The following NFATC2 variants were observed in gnomAD, a reference collection of about 807,000 sequenced individuals.
NFATC2 encodes the protein nuclear factor of activated T cells 2, also known as nuclear factor of activated T-cells, cytoplasmic 2.
Under a neutral mutation model 87.3 loss-of-function variants are expected in NFATC2, and 22 were observed. That is an observed-to-expected ratio of 0.25 (90% CI 0.18 to 0.36). The LOEUF is 0.36. Among genes scored for constraint, NFATC2 ranks in the 10% least tolerant of loss-of-function variants. The probability of loss-of-function intolerance (pLI) is 1.00; values close to 1 mark genes in which losing one functional copy is unlikely to be tolerated. For synonymous variants in NFATC2, 565 were observed against 542.2 expected, an observed-to-expected ratio of 1.04 and a Z score of -0.58; for missense variants, 1,149 against 1,259.1, an observed-to-expected ratio of 0.91 and a Z score of 1.32.
At chr20:51,414,101 T>C (rs1189182874) in intron 9 of NFATC2, among the ~76,000 whole-genome samples, 1 of 152,186 alleles carries the variant, frequency 6.6e-6, no homozygotes, top group East Asian at 1.9e-4. Flanking sequence ...GGTGAGCACC[T>C]TTTATGCAGG....
intron 10 of NFATC2, among the ~76,000 whole-genome samples, chr20:51,397,998 C>T (rs906490544): frequency 6.6e-6 from 1 of 152,216 alleles, no homozygotes; most frequent in Non-Finnish European, 1.5e-5. Flanking sequence ...AGCGGCCAGG[C>T]TCCTCTGTGG....
intron 5 of NFATC2, among the ~76,000 whole-genome samples, chr20:51,465,936 T>C (rs1257125799): frequency 1.3e-5 from 2 of 152,118 alleles, no homozygotes; most frequent in Non-Finnish European, 2.9e-5. Flanking sequence ...GAATAAATAT[T>C]GGGAAGCCCA....
chr20:51,541,089 G>C (rs910197413), intron 1 of NFATC2, among the ~76,000 whole-genome samples: 17 of 152,088 alleles, frequency 1.1e-4, no homozygotes, highest in African/African-American at 3.9e-4. Context: ...AAGGGAAGAG[G>C]ATACCCAAAG....
chr20:51,455,001 G>A lies in NFATC2; in HGVS notation c.1709-313C>T, dbSNP rs149110850. Among the ~76,000 whole-genome samples the A allele has an allele frequency of 4.0e-3, 613 of 152,326 alleles. 1 individual carries two copies. The highest frequency in any genetic ancestry group is 6.8e-3 in the Middle Eastern group (2 of 294). ...GTCCTTATAAGGAGAACAGGTACATGAGAATTGGTTTTCTTTATCCTTTTA... is the reference window on the plus strand; with the variant it reads ...GTCCTTATAAGGAGAACAGGTACATAAGAATTGGTTTTCTTTATCCTTTTA... On this transcript the variant is annotated intron_variant, in intron 5 of 10. Coordinates refer to ENST00000371564, the MANE Select transcript of NFATC2 (RefSeq NM_012340.5).
At chr20:51,422,779 T>C (rs1394515219) in intron 9 of NFATC2, among the ~76,000 whole-genome samples, 2 of 152,026 alleles carry the variant, frequency 1.3e-5, no homozygotes, top group African/African-American at 4.8e-5. Context: ...GGTTTTCCCC[T>C]GGGAAAACAA....
chr20:51,469,567 C>T (rs917231042), intron 5 of NFATC2, among the ~76,000 whole-genome samples: 2 of 152,134 alleles, frequency 1.3e-5, no homozygotes, highest in African/African-American at 2.4e-5. Flanking sequence ...AACCTCAGAA[C>T]GTACCTTATT....
At chr20:51,455,298 CT>C (rs1986280099) in intron 5 of NFATC2, among the ~76,000 whole-genome samples, 1 of 152,140 alleles carries the variant, frequency 6.6e-6, no homozygotes, top group Non-Finnish European at 1.5e-5. Flanking sequence ...CATTCTGTCT[CT>C]CAGATATACT....
chr20:51,539,818 T>G (rs1014763070), intron 1 of NFATC2, among the ~76,000 whole-genome samples: 4 of 152,170 alleles, frequency 2.6e-5, no homozygotes, highest in Non-Finnish European at 5.9e-5. Context: ...CTTCTCTTTC[T>G]GGGTGCTAAC....
chr20:51,484,556 A>T (rs571313972), intron 3 of NFATC2, among the ~76,000 whole-genome samples: 1 of 152,232 alleles, frequency 6.6e-6, no homozygotes, highest in African/African-American at 2.4e-5. Flanking sequence ...TAGAAGGAAG[A>T]GTCTGTGACA....
At chr20:51,541,072 G>T (rs2076808728) in intron 1 of NFATC2, among the ~76,000 whole-genome samples, 1 of 151,964 alleles carries the variant, frequency 6.6e-6, no homozygotes, top group Admixed American at 6.6e-5. Context: ...ACCATCTCTG[G>T]GTATCCAAGG....
intron 3 of NFATC2, among the ~76,000 whole-genome samples, chr20:51,514,611 G>A (rs150085617): frequency 4.6e-5 from 7 of 152,254 alleles, no homozygotes; most frequent in Admixed American, 1.3e-4. Context: ...GGTGGCTCAC[G>A]CCTATAATCC....
intron 6 of NFATC2, among the ~76,000 whole-genome samples, chr20:51,450,378 TAAC>T (rs1416178709): frequency 2.0e-5 from 3 of 152,018 alleles, no homozygotes; most frequent in African/African-American, 7.2e-5. Context: ...ATAAAAATAA[TAAC>T]AAAAGCACAC....
rs1211475832 is a variant in NFATC2, at chr20:51,388,808, C to T, written c.*2688G>A. On this transcript the variant is annotated 3_prime_UTR_variant, in exon 11 of 11. Transcript: ENST00000371564. ...ATTAACTTAGATGTAGCAGTGCAAA[C>T]CTTCACTCAACTGAGATCCTTCTAA... 6.6e-6 allele frequency: 1 copy of T among 152,172 alleles called. No individual in the cohort carries two copies. Among genetic ancestry groups the T allele is most frequent in the East Asian group, 1.9e-4 (1 of 5,202 alleles). The allele number at this position is 152,172 out of a possible 1,614,324, so 9.4% of individuals were successfully genotyped here. A position where few individuals can be genotyped will look rare whatever the true frequency, so the allele number is the denominator to read the frequency against.
At chr20:51,403,489 C>A (rs1362455881) in intron 9 of NFATC2, among the ~76,000 whole-genome samples, 3 of 152,224 alleles carry the variant, frequency 2.0e-5, no homozygotes, top group Non-Finnish European at 4.4e-5. Context: ...AACCTTTCAC[C>A]TATACAGTCC....
chr20:51,408,322 T>A (rs543382034), intron 9 of NFATC2, among the ~76,000 whole-genome samples: 69 of 152,102 alleles, frequency 4.5e-4, no homozygotes, highest in Non-Finnish European at 8.7e-4. Flanking sequence ...GAGACCAGCC[T>A]GGCCAACATA....
At chr20:51,553,324 C>T (rs1451781612) in intron 1 of NFATC2, among the ~76,000 whole-genome samples, 1 of 152,178 alleles carries the variant, frequency 6.6e-6, no homozygotes, top group African/African-American at 2.4e-5. Flanking sequence ...TTTGTTTCTC[C>T]TCTTTGTTCC....
chr20:51,504,408 T>C (rs1169728137), intron 3 of NFATC2, among the ~76,000 whole-genome samples: 1 of 152,164 alleles, frequency 6.6e-6, no homozygotes, highest in Non-Finnish European at 1.5e-5. Context: ...AGTGCTGGGA[T>C]CATAGGCATG....
At chr20:51,469,131 G>T (rs1362427132) in intron 5 of NFATC2, among the ~76,000 whole-genome samples, 1 of 151,766 alleles carries the variant, frequency 6.6e-6, no homozygotes, top group Admixed American at 6.6e-5. Context: ...CAAGCAATCT[G>T]CCCACCTCAG....
intron 8 of NFATC2, among the ~76,000 whole-genome samples, chr20:51,433,633 A>G (rs562122235): frequency 6.6e-6 from 1 of 152,068 alleles, no homozygotes; most frequent in Non-Finnish European, 1.5e-5. Context: ...CAACATCCAT[A>G]CTAAAGCATT....
Sources: gnomAD v4.1 joint callset for allele counts (sites outside exome capture counted in the v4.1 genomes callset) on GRCh38, gnomAD v4.1.1 for gene constraint, MANE v1.5 for transcripts, NCBI Gene and HGNC (gene_info 2026-07-23, HGNC 2026-07-21) for gene names.